Variants in HHIP observed in about 807,000 individuals in gnomAD.
The protein encoded by HHIP is hedgehog interacting protein, also known as hedgehog-interacting protein.
Under a neutral mutation model 74.0 loss-of-function variants are expected in HHIP, and 12 were observed. The ratio of observed to expected loss-of-function variants is 0.16; its 90% confidence interval spans 0.10 to 0.26. HHIP has a LOEUF of 0.26. HHIP is among the 10% of genes least tolerant of loss of function. HHIP has a pLI of 1.00. For synonymous variants in HHIP, 309 were observed against 311.6 expected, an observed-to-expected ratio of 0.99 and a Z score of 0.09; for missense variants, 788 against 845.0, an observed-to-expected ratio of 0.93 and a Z score of 0.84.
intron 4 of HHIP, among the ~76,000 whole-genome samples, chr4:144,689,048 A>G (rs888764991): frequency 1.3e-5 from 2 of 152,258 alleles, no homozygotes; most frequent in Non-Finnish European, 2.9e-5. Flanking sequence ...AAAGAAAAAA[A>G]GAATCTTTCT....
In HHIP at chr4:144,718,975, C is replaced by G. The variant is rs1730549000; in HGVS notation, c.1760+19C>G. 3 of 1,425,616 alleles carry G rather than the reference C, an allele frequency of 2.1e-6. No homozygotes were observed. Among genetic ancestry groups the G allele is most frequent in the Non-Finnish European group, 3.0e-6 (3 of 1,015,224 alleles). 88.3% of individuals were successfully genotyped at this position (1,425,616 alleles called of 1,614,324 possible). On this transcript the variant is annotated intron_variant, in intron 11 of 12. Transcript: ENST00000296575. The stretch of plus-strand genomic sequence containing the variant: ...CCAAAAGGTGAGATTTCCTTTTATC[C>G]CATTAAGTCAAGTAATTTTCTTCTT...
intron 2 of HHIP, among the ~76,000 whole-genome samples, chr4:144,654,586 A>C (rs1237530486): frequency 6.6e-6 from 1 of 152,180 alleles, no homozygotes; most frequent in Non-Finnish European, 1.5e-5. Context: ...ACTTATGCTA[A>C]TCGATTTGTT....
chr4:144,682,709 A>G (rs1465215566), intron 4 of HHIP, among the ~76,000 whole-genome samples: 2 of 152,264 alleles, frequency 1.3e-5, no homozygotes, highest in Non-Finnish European at 2.9e-5. Context: ...CAAAATACAG[A>G]TGAGACCATT....
At chr4:144,657,373 A>C (rs2126585195) in intron 2 of HHIP, among the ~76,000 whole-genome samples, 1 of 152,292 alleles carries the variant, frequency 6.6e-6, no homozygotes, top group South Asian at 2.1e-4. Context: ...ATTTCTACTG[A>C]GCTACTCAGT....
intron 1 of HHIP, 200 bp downstream of exon 1, chr4:144,647,154 C>T: frequency 1.9e-6 from 1 of 518,504 alleles, no homozygotes; most frequent in South Asian, 3.7e-5. Context: ...CCCCAGAGTC[C>T]GCGGTCGGGA....
chr4:144,741,271 C>T lies in HHIP; in HGVS notation c.*3314C>T, dbSNP rs756535295. 2.7e-5 allele frequency: 4 copies of T among 150,782 alleles called. No homozygotes were observed. The highest frequency in any genetic ancestry group is 5.9e-5 in the Non-Finnish European group (4 of 67,824). The allele number at this position is 150,782 out of a possible 1,614,324, so 9.3% of individuals were successfully genotyped here. A position where few individuals can be genotyped will look rare whatever the true frequency, so the allele number is the denominator to read the frequency against. On this transcript the variant is annotated 3_prime_UTR_variant, in exon 13 of 13. Coordinates refer to ENST00000296575, the MANE Select transcript of HHIP (RefSeq NM_022475.3). ...CTAAATAGAAAACTATTTTCTTTGT[C>T]ATTTGCATGCCCCAGAGAAGTTACT...
rs933959867 is a variant in HHIP at position 144,739,746 on chromosome 4, T to C, written c.*1789T>C. Reference sequence around the variant, plus strand: ...ATAATTTTGCACAATTTAGATTCAATTGACAGTCTATTCAAAGAAGTCTCA... The same window carrying C: ...ATAATTTTGCACAATTTAGATTCAACTGACAGTCTATTCAAAGAAGTCTCA... On this transcript the variant is annotated 3_prime_UTR_variant, in exon 13 of 13. Transcript: ENST00000296575. The C allele has an allele frequency of 2.0e-5, 3 of 152,178 alleles. No homozygotes were observed. Among genetic ancestry groups the C allele is most frequent in the Non-Finnish European group, 4.4e-5 (3 of 68,024 alleles). The allele number at this position is 152,178 out of a possible 1,614,324, so 9.4% of individuals were successfully genotyped here.
intron 4 of HHIP, among the ~76,000 whole-genome samples, chr4:144,679,572 G>C (rs1199572593): frequency 6.6e-6 from 1 of 152,124 alleles, no homozygotes; most frequent in East Asian, 1.9e-4. Context: ...AAGGGGTCCA[G>C]TTTCAGTTTT....
At chr4:144,682,076 T>C (rs1351068293) in intron 4 of HHIP, among the ~76,000 whole-genome samples, 1 of 152,186 alleles carries the variant, frequency 6.6e-6, no homozygotes, top group Non-Finnish European at 1.5e-5. Flanking sequence ...ACAAGCCTAA[T>C]GTTTTGCTGT....
chr4:144,667,919 C>G (rs1305516869), intron 4 of HHIP, among the ~76,000 whole-genome samples: 1 of 152,038 alleles, frequency 6.6e-6, no homozygotes, highest in Non-Finnish European at 1.5e-5. Context: ...TTTAGAATGT[C>G]AGTTGGGAGG....
Position 144,734,833 on chromosome 4 carries a change from C to A in HHIP, c.1853C>A (p.Thr618Asn). 3 of 1,612,788 alleles carry A rather than the reference C, an allele frequency of 1.9e-6. No individual in the cohort carries two copies. The highest frequency in any genetic ancestry group is 1.7e-6 in the Non-Finnish European group (2 of 1,179,038). Residue 618 changes from threonine (T) to asparagine (N), a missense_variant, in exon 12 of 13, where the codon ACC (threonine) becomes AAC (asparagine). Transcript: ENST00000296575. ...AGGCTCTGTCGAAACGGCTACTGCA[C>A]CCCCACGGGAAAGTGCTGCTGCAGT... ...CSRLCRNGYC[T>N]PTGKCCCSPG...
intron 4 of HHIP, chr4:144,685,530 G>A (rs914539348): frequency 6.6e-6 from 1 of 152,188 alleles, no homozygotes; most frequent in African/African-American, 2.4e-5. Context: ...TTAACTTGGA[G>A]TTAGTATCTT....
intron 4 of HHIP, among the ~76,000 whole-genome samples, chr4:144,676,437 T>G (rs948777867): frequency 2.0e-5 from 3 of 152,214 alleles, no homozygotes; most frequent in Non-Finnish European, 4.4e-5. Context: ...TTTTTTAAGT[T>G]ATTGTTTGTA....
chr4:144,722,552 T>C (rs1192462665), intron 11 of HHIP, among the ~76,000 whole-genome samples: 1 of 152,168 alleles, frequency 6.6e-6, no homozygotes, highest in African/African-American at 2.4e-5. Flanking sequence ...TCTATGGAGC[T>C]TCTAAGAATG....
chr4:144,721,973 T>A (rs1276607877), intron 11 of HHIP, among the ~76,000 whole-genome samples: 1 of 151,590 alleles, frequency 6.6e-6, no homozygotes, highest in Non-Finnish European at 1.5e-5. Context: ...TAGAACATTG[T>A]ACACACTCCT....
At chr4:144,715,561 C>A in intron 10 of HHIP, 131 bp downstream of exon 10, 1 of 811,352 alleles carries the variant, frequency 1.2e-6, no homozygotes, top group Non-Finnish European at 1.9e-6. Flanking sequence ...GCAAAGATGA[C>A]CTACTCCAGA....
chr4:144,688,612 C>A (rs1237912536), intron 4 of HHIP, among the ~76,000 whole-genome samples: 1 of 152,140 alleles, frequency 6.6e-6, no homozygotes, highest in Non-Finnish European at 1.5e-5. Flanking sequence ...TTCTTTTGTT[C>A]CTTTTCCCAG....
intron 5 of HHIP, 75 bp from the exon 6 acceptor site, chr4:144,707,012 T>C (rs1560713817): frequency 1.6e-6 from 2 of 1,257,058 alleles, no homozygotes; most frequent in Non-Finnish European, 2.3e-6. Flanking sequence ...TTTTCATTTA[T>C]ATACTATTCA....
At chr4:144,714,124 C>T (rs1730377532) in intron 8 of HHIP, 101 bp from the exon 9 acceptor site, 2 of 1,013,560 alleles carry the variant, frequency 2.0e-6, no homozygotes, top group Admixed American at 2.0e-5. Context: ...TCATAGAACA[C>T]ATTTCAGAGT....
Sources: allele counts gnomAD v4.1 joint callset (sites outside exome capture counted in the v4.1 genomes callset), GRCh38; gene constraint gnomAD v4.1.1; transcripts MANE v1.5; gene names NCBI Gene and HGNC (gene_info 2026-07-23, HGNC 2026-07-21).